ROBO2: variants seen among roughly 807,000 people sequenced by gnomAD.
The protein encoded by ROBO2 is roundabout homolog 2.
In ROBO2, 53 loss-of-function variants were observed where a neutral mutation model predicts 160.8. The observed-to-expected ratio is 0.33, with a 90% CI of 0.26 to 0.41. The LOEUF is 0.41. Among genes scored for constraint, ROBO2 ranks in the 10% least tolerant of loss-of-function variants. The pLI is 1.00. For missense variants in ROBO2, 1,577 were observed against 1,722.4 expected (o/e 0.92, Z 1.49); for synonymous variants, 664 against 611.7 (o/e 1.09, Z -1.26).
intron 2 of ROBO2, among the ~76,000 whole-genome samples, chr3:76,746,791 A>G (rs1266212857): frequency 1.3e-5 from 2 of 152,022 alleles, no homozygotes; most frequent in Non-Finnish European, 2.9e-5. Context: ...GTTTTTCCTA[A>G]TGCTTTCGCT....
intron 2 of ROBO2, among the ~76,000 whole-genome samples, chr3:77,196,677 A>G (rs890333141): frequency 2.0e-5 from 3 of 152,076 alleles, no homozygotes; most frequent in Non-Finnish European, 4.4e-5. Context: ...ATATATATTC[A>G]TTTTAGATAA....
intron 10 of ROBO2, 111 bp downstream of exon 11, chr3:77,562,843 A>T: frequency 6.0e-6 from 5 of 839,560 alleles, no homozygotes; most frequent in South Asian, 4.3e-5. Flanking sequence ...TGTAAATTTT[A>T]GCCTTTACAT....
chr3:77,629,656 C>G (rs2095115078), intron 23 of ROBO2: 1 of 152,098 alleles, frequency 6.6e-6, no homozygotes, highest in Non-Finnish European at 1.5e-5. Flanking sequence ...ATATATATCA[C>G]ATATATGTAT....
At chr3:77,295,438 A>G (rs1015875791) in intron 2 of ROBO2, among the ~76,000 whole-genome samples, 7 of 150,448 alleles carry the variant, frequency 4.7e-5, no homozygotes, top group African/African-American at 1.5e-4. Context: ...AGTTGAGGCT[A>G]GAACAGTAAA....
At chr3:77,558,743 C>T (rs1364971824) in intron 9 of ROBO2, among the ~76,000 whole-genome samples, 1 of 152,036 alleles carries the variant, frequency 6.6e-6, no homozygotes, top group Non-Finnish European at 1.5e-5. Flanking sequence ...ACAAGTCAGT[C>T]CTGCTTCAGG....
chr3:76,455,533 AAATT>A lies in ROBO2; in HGVS notation c.109+517937_109+517940del, dbSNP rs140412858. Among the ~76,000 whole-genome samples the A allele has an allele frequency of 5.0e-3, 755 of 152,256 alleles. 6 individuals carry two copies. The highest frequency in any genetic ancestry group is 0.017 in the African/African-American group (697 of 41,562). On this transcript the variant is annotated intron_variant, in intron 2 of 26. Transcript: ENST00000487694. ...AAACAATATATAGTTAGCAATTTAA[AAATT>A]AATTATCCTCCATATATTTGCCTAT...
intron 2 of ROBO2, among the ~76,000 whole-genome samples, chr3:77,411,517 G>T (rs1246342784): frequency 2.6e-5 from 4 of 152,092 alleles, no homozygotes; most frequent in Non-Finnish European, 4.4e-5. Context: ...GTAAGTTATG[G>T]TGCAGCTTGT....
At chr3:76,514,539 A>C (rs1449976712) in intron 2 of ROBO2, among the ~76,000 whole-genome samples, 1 of 152,236 alleles carries the variant, frequency 6.6e-6, no homozygotes, top group Non-Finnish European at 1.5e-5. Context: ...AATAATGAAG[A>C]TATCAGATAA....
rs1320041222 is a variant in ROBO2, at chr3:77,029,577, A to C, written c.110-68437A>C. Among the ~76,000 whole-genome samples the C allele has an allele frequency of 4.6e-5, 7 of 152,318 alleles. 2 individuals carry two copies. Among genetic ancestry groups the C allele is most frequent in the Admixed American group, 4.6e-4 (7 of 15,290 alleles). On this transcript the variant is annotated intron_variant, in intron 2 of 26. Coordinates refer to the ROBO2 transcript ENST00000487694. ...ACCTTTACTACATTTTGCAAGAGAG[A>C]TTTTATAATTAACATAAATAAAACC...
chr3:76,304,951 T>C lies in ROBO2; in HGVS notation c.109+367349T>C, dbSNP rs533492532. Among the ~76,000 whole-genome samples the C allele has an allele frequency of 2.6e-5, 4 of 152,008 alleles. 1 individual carries two copies. In the South Asian group the frequency reaches 8.3e-4, roughly 32 times the overall value. On this transcript the variant is annotated intron_variant, in intron 2 of 26. Coordinates refer to the ROBO2 transcript ENST00000487694. ...ATTTCTTTGGTCTGATGTAAGGTGT[T>C]CAGGGAGATGAGTTACTCTCTGTGG...
At chr3:77,487,003 G>A (rs369090854) in intron 4 of ROBO2, among the ~76,000 whole-genome samples, 1 of 152,132 alleles carries the variant, frequency 6.6e-6, no homozygotes. Flanking sequence ...ACGATGTTCA[G>A]ATTGAGAACT....
intron 2 of ROBO2, among the ~76,000 whole-genome samples, chr3:76,126,443 C>T (rs963956695): frequency 1.2e-4 from 18 of 152,012 alleles, no homozygotes; most frequent in African/African-American, 3.9e-4. Flanking sequence ...TATTCAATGA[C>T]TTCTTAATGA....
chr3:75,925,368 T>C (rs1357522995), intron 1 of ROBO2, among the ~76,000 whole-genome samples: 2 of 151,982 alleles, frequency 1.3e-5, no homozygotes, highest in Non-Finnish European at 2.9e-5. Context: ...CCAGTGTGGG[T>C]AACAGAATGA....
At chr3:77,029,176 G>A (rs1241297043) in intron 2 of ROBO2, among the ~76,000 whole-genome samples, 1 of 151,882 alleles carries the variant, frequency 6.6e-6, no homozygotes, top group Non-Finnish European at 1.5e-5. Flanking sequence ...TGGGCTGTGT[G>A]GTGTGTGTGT....
chr3:76,540,743 G>GA (rs1476051493), intron 2 of ROBO2, among the ~76,000 whole-genome samples: 2 of 151,722 alleles, frequency 1.3e-5, no homozygotes, highest in Non-Finnish European at 2.9e-5. Context: ...ATAAGAAATA[G>GA]AAAAAAAGAA....
At chr3:77,557,452 A>G (rs193025328) in intron 8 of ROBO2, among the ~76,000 whole-genome samples, 1 of 152,094 alleles carries the variant, frequency 6.6e-6, no homozygotes, top group East Asian at 1.9e-4. Flanking sequence ...AATACAGCAC[A>G]TAACTGGTGC....
intron 22 of ROBO2, 80 bp from the exon 24 acceptor site, chr3:77,622,147 A>G (rs2094914757): frequency 8.1e-7 from 1 of 1,239,404 alleles, no homozygotes; most frequent in Non-Finnish European, 1.2e-6. Flanking sequence ...GAGTTACTAT[A>G]GCATGCATTT....
At chr3:76,182,950 A>T (rs1354401843) in intron 2 of ROBO2, among the ~76,000 whole-genome samples, 1 of 152,176 alleles carries the variant, frequency 6.6e-6, no homozygotes, top group African/African-American at 2.4e-5. Flanking sequence ...GTAGCTAAAC[A>T]TAATGATCAT....
chr3:77,308,709 C>G (rs1032964287), intron 2 of ROBO2, among the ~76,000 whole-genome samples: 1 of 152,118 alleles, frequency 6.6e-6, no homozygotes, highest in Non-Finnish European at 1.5e-5. Flanking sequence ...CATAGCTTTC[C>G]AAAATCTAAA....
Sources: allele counts gnomAD v4.1 joint callset (sites outside exome capture counted in the v4.1 genomes callset), GRCh38; gene constraint gnomAD v4.1.1; transcripts MANE v1.5; gene names NCBI Gene and HGNC (gene_info 2026-07-23, HGNC 2026-07-21).